The following DGKI variants were observed in gnomAD, a reference collection of about 807,000 sequenced individuals.
The protein encoded by DGKI is diacylglycerol kinase iota.
A neutral mutation model predicts 147.5 loss-of-function variants in DGKI; 55 were observed. The ratio of observed to expected loss-of-function variants is 0.37; its 90% confidence interval spans 0.30 to 0.47. The LOEUF (loss-of-function observed/expected upper bound fraction) is 0.47. Among genes scored for constraint, DGKI ranks in the 20% least tolerant of loss-of-function variants. The pLI is 1.00. For missense variants in DGKI, 1,007 were observed against 1,323.8 expected (o/e 0.76, Z 3.71); for synonymous variants, 469 against 477.1 (o/e 0.98, Z 0.22).
At chr7:137,722,064 G>C in intron 1 of DGKI, 1 of 1,597,298 alleles carries the variant, frequency 6.3e-7, no homozygotes, top group South Asian at 1.1e-5. Context: ...CTGGTGGCAA[G>C]GTGAAAAAGG....
intron 20 of DGKI, among the ~76,000 whole-genome samples, chr7:137,527,352 T>G (rs10263289): frequency 0.031 from 4,777 of 152,248 alleles, 105 homozygotes; most frequent in South Asian, 0.096. Flanking sequence ...GAGTTGCAGC[T>G]CTAATTAGCA....
At chr7:137,541,648 T>C (rs1563076225) in intron 20 of DGKI, among the ~76,000 whole-genome samples, 1 of 152,072 alleles carries the variant, frequency 6.6e-6, no homozygotes, top group East Asian at 1.9e-4. Flanking sequence ...GTAAAGGCAA[T>C]TCAATAGGAA....
chr7:137,683,790 A>G (rs1158594973), intron 2 of DGKI, among the ~76,000 whole-genome samples: 1 of 152,082 alleles, frequency 6.6e-6, no homozygotes, highest in East Asian at 1.9e-4. Context: ...CTGTATAGCT[A>G]TATATATATT....
chr7:137,391,534 A>G (rs927475099), intron 32 of DGKI, among the ~76,000 whole-genome samples, 198 bp from the exon 33 acceptor site: 1 of 152,232 alleles, frequency 6.6e-6, no homozygotes, highest in Non-Finnish European at 1.5e-5. Flanking sequence ...GTCTTATATG[A>G]GCATTAAATT....
intron 8 of DGKI, among the ~76,000 whole-genome samples, chr7:137,614,879 G>A (rs937900564): frequency 1.3e-5 from 2 of 151,948 alleles, no homozygotes; most frequent in African/African-American, 4.8e-5. Flanking sequence ...CCCAAATAAA[G>A]CTGACTTTAT....
At chr7:137,424,195 ATTG>A (rs2128907638) in intron 28 of DGKI, among the ~76,000 whole-genome samples, 1 of 152,370 alleles carries the variant, frequency 6.6e-6, no homozygotes, top group African/African-American at 2.4e-5. Context: ...CCTTAGAAGA[ATTG>A]TTATGTAAAT....
chr7:137,406,930 C>CAAAAAAAAAAAAAAA (rs3046570), intron 30 of DGKI, among the ~76,000 whole-genome samples: 1 of 92,554 alleles, frequency 1.1e-5, no homozygotes, highest in Non-Finnish European at 2.0e-5. Flanking sequence ...TGCTGAATTG[C>CAAAAAAAAAAAAAAA]AAAAAAAAAA....
intron 1 of DGKI, among the ~76,000 whole-genome samples, chr7:137,714,501 G>C (rs115650672): frequency 6.6e-6 from 1 of 152,128 alleles, no homozygotes; most frequent in African/African-American, 2.4e-5. Flanking sequence ...TATGGAAGTG[G>C]AGAAGGGCAA....
rs1811196930 is a variant in DGKI, at chr7:137,387,074, C to T, written c.*4146G>A. 6.6e-6 allele frequency: 1 copy of T among 152,070 alleles called. No homozygotes were observed. Among genetic ancestry groups the T allele is most frequent in the Non-Finnish European group, 1.5e-5 (1 of 68,004 alleles). The allele number at this position is 152,070 out of a possible 1,614,324, so 9.4% of individuals were successfully genotyped here. A position where few individuals can be genotyped will look rare whatever the true frequency, so the allele number is the denominator to read the frequency against. Reference sequence around the variant, plus strand: ...CTGGAAGGAAGACAAGCTGCTCAGACCCCCATACTACACTGAAGTTACACC... The same window carrying T: ...CTGGAAGGAAGACAAGCTGCTCAGATCCCCATACTACACTGAAGTTACACC... On this transcript the variant is annotated 3_prime_UTR_variant, in exon 33 of 33. Coordinates refer to ENST00000614521, the MANE Select transcript of DGKI (RefSeq NM_001321708.2).
chr7:137,467,265 C>T (rs1814695584), intron 24 of DGKI, among the ~76,000 whole-genome samples: 1 of 152,232 alleles, frequency 6.6e-6, no homozygotes, highest in South Asian at 2.1e-4. Flanking sequence ...ACCCTGCATC[C>T]ATCCACATTT....
At chr7:137,576,827 G>T (rs554548582) in intron 17 of DGKI, among the ~76,000 whole-genome samples, 8 of 152,102 alleles carry the variant, frequency 5.3e-5, no homozygotes, top group African/African-American at 1.7e-4. Context: ...GGAGAGTACC[G>T]ATTTATGCTT....
At chr7:137,722,779 C>T (rs971107985) in intron 1 of DGKI, 1 of 1,399,712 alleles carries the variant, frequency 7.1e-7, no homozygotes, top group African/African-American at 1.4e-5. Context: ...CAAAGCTATT[C>T]CTCAGCTCCA....
At chr7:137,475,861 A>T (rs1336175440) in intron 23 of DGKI, among the ~76,000 whole-genome samples, 1 of 152,200 alleles carries the variant, frequency 6.6e-6, no homozygotes, top group Non-Finnish European at 1.5e-5. Flanking sequence ...CCAATTTTGG[A>T]AAAAGGATTT....
intron 6 of DGKI, among the ~76,000 whole-genome samples, chr7:137,634,921 AGG>A (rs1821258047): frequency 1.3e-5 from 2 of 152,226 alleles, no homozygotes; most frequent in Non-Finnish European, 2.9e-5. Flanking sequence ...GTGAAAAGAT[AGG>A]TGGCTTGACA....
At chr7:137,690,553 T>G (rs533292314) in intron 1 of DGKI, among the ~76,000 whole-genome samples, 4 of 152,284 alleles carry the variant, frequency 2.6e-5, no homozygotes, top group Non-Finnish European at 5.9e-5. Context: ...AGGTTCTAAA[T>G]GGGAAAAGAC....
chr7:137,531,975 A>T (rs1817354133), intron 20 of DGKI, among the ~76,000 whole-genome samples: 1 of 152,112 alleles, frequency 6.6e-6, no homozygotes, highest in South Asian at 2.1e-4. Flanking sequence ...CAGCATTTTA[A>T]CCAAAATAGA....
At chr7:137,555,815 T>C (rs1818205908) in intron 19 of DGKI, among the ~76,000 whole-genome samples, 1 of 152,170 alleles carries the variant, frequency 6.6e-6, no homozygotes, top group East Asian at 1.9e-4. Flanking sequence ...AAGTCCGTCC[T>C]ACCTAAATGT....
At chr7:137,518,739 A>T (rs1180419458) in intron 21 of DGKI, among the ~76,000 whole-genome samples, 2 of 152,066 alleles carry the variant, frequency 1.3e-5, no homozygotes, top group East Asian at 3.9e-4. Flanking sequence ...AATTTGGGGG[A>T]ATATCAAGTT....
At chr7:137,561,062 T>C (rs971634631) in intron 19 of DGKI, among the ~76,000 whole-genome samples, 2 of 152,104 alleles carry the variant, frequency 1.3e-5, no homozygotes, top group African/African-American at 4.8e-5. Flanking sequence ...GATCCAGCAA[T>C]TGCACTACTG....
Sources: allele counts gnomAD v4.1 joint callset (sites outside exome capture counted in the v4.1 genomes callset), GRCh38; gene constraint gnomAD v4.1.1; transcripts MANE v1.5; gene names NCBI Gene and HGNC (gene_info 2026-07-23, HGNC 2026-07-21).